TMED8: variants seen among roughly 807,000 people sequenced by gnomAD.
The protein encoded by TMED8 is transmembrane p24 trafficking protein family member 8, also known as protein TMED8.
A neutral mutation model predicts 32.7 loss-of-function variants in TMED8; 15 were observed. The ratio of observed to expected loss-of-function variants is 0.46; its 90% CI spans 0.31 to 0.71. TMED8 has a LOEUF of 0.71. Ranked by LOEUF, TMED8 falls within the 30% of genes least tolerant of loss-of-function variation. TMED8 has a pLI of 0.06. For missense variants in TMED8, 390 were observed against 423.9 expected, an observed-to-expected ratio of 0.92 and a Z score of 0.70; for synonymous variants, 147 against 161.4, an observed-to-expected ratio of 0.91 and a Z score of 0.68.
intron 3 of TMED8, among the ~76,000 whole-genome samples, chr14:77,345,441 T>C (rs1477880514): frequency 6.6e-6 from 1 of 152,124 alleles, no homozygotes; most frequent in Non-Finnish European, 1.5e-5. Flanking sequence ...TTGACACTAA[T>C]ACCAACCATT....
intron 1 of TMED8, among the ~76,000 whole-genome samples, chr14:77,353,081 T>G (rs762109756): frequency 6.6e-6 from 1 of 152,186 alleles, no homozygotes; most frequent in Non-Finnish European, 1.5e-5. Context: ...ATTTTTGCAG[T>G]AAGGAACTTA....
At chr14:77,348,697 G>GA (rs1893106860) in intron 2 of TMED8, among the ~76,000 whole-genome samples, 1 of 152,018 alleles carries the variant, frequency 6.6e-6, no homozygotes, top group Non-Finnish European at 1.5e-5. Context: ...CCTCATGGGG[G>GA]AAACGGAGGC....
chr14:77,361,155 T>C (rs1461980514), intron 1 of TMED8, among the ~76,000 whole-genome samples: 3 of 152,056 alleles, frequency 2.0e-5, no homozygotes, highest in Non-Finnish European at 4.4e-5. Context: ...AATTTTTTTG[T>C]ATTTTCAGTA....
intron 3 of TMED8, among the ~76,000 whole-genome samples, chr14:77,344,237 C>T (rs1193847535): frequency 6.6e-6 from 1 of 152,174 alleles, no homozygotes; most frequent in Non-Finnish European, 1.5e-5. Context: ...GTTTGACTCC[C>T]ACTCTGCCAC....
intron 1 of TMED8, among the ~76,000 whole-genome samples, chr14:77,372,950 A>T (rs1178597707): frequency 0.13 from 1,945 of 15,068 alleles, 137 homozygotes; most frequent in Middle Eastern, 0.25. Flanking sequence ...ATATATATAT[A>T]TATTTTTTTT....
At chr14:77,368,409 C>T (rs1893604267) in intron 1 of TMED8, among the ~76,000 whole-genome samples, 1 of 152,146 alleles carries the variant, frequency 6.6e-6, no homozygotes, top group African/African-American at 2.4e-5. Flanking sequence ...TAAAAATCTT[C>T]TTTTGTGAAG....
Position 77,340,428 on chromosome 14 carries a change from G to C in TMED8, c.*1343C>G, listed in dbSNP as rs1022769824. 1 of 152,168 alleles carries C rather than the reference G, an allele frequency of 6.6e-6. No homozygotes were observed. Among genetic ancestry groups the C allele is most frequent in the African/African-American group, 2.4e-5 (1 of 41,444 alleles). 9.4% of individuals were successfully genotyped at this position (152,168 alleles called of 1,614,324 possible). ...AATAAATAAATCTAATTATTCTTCA[G>C]AATTCGTAGGCAGTAACAGACATAA... On this transcript the variant is annotated 3_prime_UTR_variant, in exon 6 of 6. Coordinates refer to ENST00000216468, the MANE Select transcript of TMED8 (RefSeq NM_213601.3).
chr14:77,363,086 A>T (rs1011379510), intron 1 of TMED8, among the ~76,000 whole-genome samples: 1 of 152,224 alleles, frequency 6.6e-6, no homozygotes, highest in Non-Finnish European at 1.5e-5. Context: ...AAAAGTAATA[A>T]GGAAATACTA....
At chr14:77,346,293 T>G in intron 3 of TMED8, 56 bp downstream of exon 3, 2 of 1,590,698 alleles carry the variant, frequency 1.3e-6, no homozygotes, top group South Asian at 2.2e-5. Flanking sequence ...CCAACCACTA[T>G]GTGTCCACAT....
At chr14:77,364,128 G>A (rs1893497812) in intron 1 of TMED8, among the ~76,000 whole-genome samples, 1 of 152,216 alleles carries the variant, frequency 6.6e-6, no homozygotes, top group Non-Finnish European at 1.5e-5. Context: ...AACTTGATAT[G>A]TGAAGAATAG....
intron 1 of TMED8, among the ~76,000 whole-genome samples, chr14:77,367,744 A>T (rs1407058418): frequency 4.7e-5 from 7 of 150,240 alleles, no homozygotes; most frequent in African/African-American, 1.5e-4. Flanking sequence ...CCCAGGCTGG[A>T]GTGCAATGGT....
intron 1 of TMED8, among the ~76,000 whole-genome samples, chr14:77,356,113 T>G (rs1367500029): frequency 1.3e-5 from 2 of 152,212 alleles, no homozygotes; most frequent in African/African-American, 2.4e-5. Flanking sequence ...CTCCTCCAAC[T>G]GGAGTCTGTA....
chr14:77,352,528 C>T (rs745821368), intron 1 of TMED8, among the ~76,000 whole-genome samples: 4 of 152,250 alleles, frequency 2.6e-5, no homozygotes, highest in Non-Finnish European at 5.9e-5. Flanking sequence ...CACTTGAGGT[C>T]AGGAGTTCGA....
At chr14:77,375,373 G>A (rs1291699121) in intron 1 of TMED8, among the ~76,000 whole-genome samples, 1 of 152,136 alleles carries the variant, frequency 6.6e-6, no homozygotes, top group African/African-American at 2.4e-5. Context: ...AAACGCGTGG[G>A]TACGTTTGCC....
Position 77,336,978 on chromosome 14 carries a change from TCTA to T in TMED8, c.*4790_*4792del, listed in dbSNP as rs1892774561. 2 of 152,208 alleles carry T rather than the reference TCTA, an allele frequency of 1.3e-5. No homozygotes were observed. The highest frequency in any genetic ancestry group is 2.9e-5 in the Non-Finnish European group (2 of 68,048). The allele number at this position is 152,208 out of a possible 1,614,324, so 9.4% of individuals were successfully genotyped here. ...AAGACTTTTTATGATAATACCTAAT[TCTA>T]CTGCTTAATATAAGACAGCGTTCAG... On this transcript the variant is annotated 3_prime_UTR_variant, in exon 6 of 6. Coordinates refer to ENST00000216468, the MANE Select transcript of TMED8 (RefSeq NM_213601.3).
At chr14:77,360,035 A>G (rs1893393731) in intron 1 of TMED8, 1 of 154,342 alleles carries the variant, frequency 6.5e-6, no homozygotes, top group Non-Finnish European at 1.4e-5. Flanking sequence ...AAATTTTTAA[A>G]TTGTATATGT....
intron 1 of TMED8, among the ~76,000 whole-genome samples, chr14:77,370,171 CAAAAAA>C (rs5809828): frequency 3.0e-4 from 41 of 138,034 alleles, no homozygotes; most frequent in African/African-American, 9.0e-4. Flanking sequence ...GACTCCGTTT[CAAAAAA>C]AAAAAAAAAA....
At chr14:77,345,644 G>A (rs1893008382) in intron 3 of TMED8, among the ~76,000 whole-genome samples, 1 of 133,996 alleles carries the variant, frequency 7.5e-6, no homozygotes, top group Non-Finnish European at 1.6e-5. Flanking sequence ...GGGTGACAGA[G>A]TGAGACCTTT....
intron 1 of TMED8, among the ~76,000 whole-genome samples, chr14:77,369,515 C>T (rs149880932): frequency 5.3e-4 from 80 of 152,324 alleles, no homozygotes; most frequent in East Asian, 2.7e-3. Context: ...TCCCCCTTGA[C>T]GGGTCCTGAA....
Sources: gnomAD v4.1 joint callset for allele counts (sites outside exome capture counted in the v4.1 genomes callset) on GRCh38, gnomAD v4.1.1 for gene constraint, MANE v1.5 for transcripts, NCBI Gene and HGNC (gene_info 2026-07-23, HGNC 2026-07-21) for gene names.